The following ZNF100 variants were observed in gnomAD, a reference collection of about 807,000 sequenced individuals.
ZNF100 encodes the protein zinc finger protein 100 (Y1).
A neutral mutation model predicts 15.8 loss-of-function variants in ZNF100; 12 were observed. That is an observed-to-expected ratio of 0.76 (90% CI 0.49 to 1.23). The LOEUF (loss-of-function observed/expected upper bound fraction) is 1.23, where lower values mean the gene tolerates loss of function less well. Among genes scored for constraint, ZNF100 ranks in the 50% most tolerant of loss-of-function variants. The probability of loss-of-function intolerance (pLI) is 0.00; values close to 1 mark genes in which losing one functional copy is unlikely to be tolerated. For synonymous variants in ZNF100, 226 were observed against 214.8 expected, an observed-to-expected ratio of 1.05 and a Z score of -0.45; for missense variants, 670 against 635.6, an observed-to-expected ratio of 1.05 and a Z score of -0.58.
intron 2 of ZNF100, chr19:21,750,935 GACATCTAC>G (rs2036296339): frequency 1.4e-6 from 1 of 722,334 alleles, no homozygotes. Context: ...CTGCGCAACC[GACATCTAC>G]GAGGCGGCAC....
At chr19:21,746,553 G>A (rs987154027) in intron 2 of ZNF100, among the ~76,000 whole-genome samples, 2 of 152,072 alleles carry the variant, frequency 1.3e-5, no homozygotes, top group Non-Finnish European at 2.9e-5. Flanking sequence ...AGCCACAATG[G>A]GAACATTTTT....
chr19:21,729,601 AAAAC>A (rs927729430), intron 4 of ZNF100, among the ~76,000 whole-genome samples: 2 of 152,034 alleles, frequency 1.3e-5, no homozygotes, highest in African/African-American at 2.4e-5. Context: ...AAACAAAACA[AAAAC>A]AAAAAACAAC....
In ZNF100 at chr19:21,767,507, G is replaced by A; in HGVS notation, c.-78C>T. 2.5e-6 allele frequency: 4 copies of A among 1,601,372 alleles called. No homozygotes were observed. In the South Asian group the frequency reaches 3.3e-5, roughly 13 times the overall value. On this transcript the variant is annotated 5_prime_UTR_variant, in exon 1 of 5. Coordinates refer to ENST00000358296, the MANE Select transcript of ZNF100 (RefSeq NM_173531.4). ...GCAGGTCAGAGGGCCACACAGGCTAGGCCCCTAGGAGCAGAAGACACAGAG... is the reference window on the plus strand; with the variant it reads ...GCAGGTCAGAGGGCCACACAGGCTAAGCCCCTAGGAGCAGAAGACACAGAG...
In ZNF100 at chr19:21,727,948, C is replaced by G. The variant is rs761877511; in HGVS notation, c.364G>C (p.Asp122His). 6.4e-7 allele frequency: 1 copy of G among 1,557,558 alleles called. No homozygotes were observed. Among genetic ancestry groups the G allele is most frequent in the Admixed American group, 2.0e-5 (1 of 49,266 alleles). The part of the protein sequence containing the change: ...HFPQDLWAEQ[D>H]IKDSFQEAIL... ...GCTTCTTGAAAAGAATCTTTAATGT[C>G]CTGCTCTGCCCAAAGGTCTTGGGGA... The change falls in exon 5 of 5, where the codon GAC becomes CAC. Residue 122 changes from aspartate to histidine, a missense_variant. Asp to His is a moderately conservative substitution (Grantham distance 81). Coordinates refer to ENST00000358296, the MANE Select transcript of ZNF100 (RefSeq NM_173531.4).
At chr19:21,751,540 A>G (rs1568306834) in intron 2 of ZNF100, 12 of 1,228,358 alleles carry the variant, frequency 9.8e-6, no homozygotes, top group Non-Finnish European at 1.4e-5. Flanking sequence ...CTAACTAGAA[A>G]AGGATTGTTC....
At chr19:21,764,851 G>GA (rs1011314404) in intron 2 of ZNF100, among the ~76,000 whole-genome samples, 7 of 151,634 alleles carry the variant, frequency 4.6e-5, no homozygotes, top group Admixed American at 6.6e-5. Flanking sequence ...AATTTACCCT[G>GA]AAAAAAAAGA....
chr19:21,765,606 C>A (rs1015838900), intron 2 of ZNF100, 88 bp downstream of exon 2: 2 of 1,196,620 alleles, frequency 1.7e-6, no homozygotes, highest in South Asian at 1.3e-5. Context: ...CCCCTCAATA[C>A]CAGCATCTGA....
intron 4 of ZNF100, among the ~76,000 whole-genome samples, chr19:21,732,625 T>A (rs922687678): frequency 8.1e-5 from 12 of 148,568 alleles, no homozygotes; most frequent in Non-Finnish European, 1.6e-4. Flanking sequence ...CAATATAAAA[T>A]ATATATATAT....
At chr19:21,730,096 G>A (rs1255223584) in intron 4 of ZNF100, among the ~76,000 whole-genome samples, 3 of 151,828 alleles carry the variant, frequency 2.0e-5, no homozygotes, top group Non-Finnish European at 4.4e-5. Context: ...AATAACATTA[G>A]TATGTCTTTC....
At chr19:21,756,524 A>G (rs1339383857) in intron 2 of ZNF100, among the ~76,000 whole-genome samples, 1 of 152,154 alleles carries the variant, frequency 6.6e-6, no homozygotes, top group Non-Finnish European at 1.5e-5. Flanking sequence ...CGAGGAATAC[A>G]GCTACCCAGG....
At position 21,723,083 on chromosome 19, in the gene ZNF100, G is replaced by A; in HGVS notation, c.*3600C>T. On this transcript the variant is annotated 3_prime_UTR_variant, in exon 5 of 5. Coordinates refer to ENST00000358296, the MANE Select transcript of ZNF100 (RefSeq NM_173531.4). ...ATACCAACTTTCAGCTGGGTGCAGT[G>A]GCTTATGCCTGTAATCCAAGCACTT... The A allele has an allele frequency of 6.6e-6, 1 of 151,886 alleles. No homozygotes were observed. The highest frequency in any genetic ancestry group is 1.5e-5 in the Non-Finnish European group (1 of 68,008). 9.4% of individuals were successfully genotyped at this position (151,886 alleles called of 1,614,324 possible).
chr19:21,747,949 T>C (rs1410842723), intron 2 of ZNF100, among the ~76,000 whole-genome samples: 1 of 148,060 alleles, frequency 6.8e-6, no homozygotes, highest in Non-Finnish European at 1.5e-5. Context: ...TTATTACTTC[T>C]TCCTCTGTTT....
intron 2 of ZNF100, among the ~76,000 whole-genome samples, chr19:21,758,082 G>C (rs1400285279): frequency 4.0e-5 from 6 of 151,476 alleles, no homozygotes; most frequent in Non-Finnish European, 7.4e-5. Context: ...TGGTACATAA[G>C]CAACATGGAA....
intron 4 of ZNF100, among the ~76,000 whole-genome samples, chr19:21,739,880 G>A (rs1164242790): frequency 1.3e-5 from 2 of 152,084 alleles, no homozygotes; most frequent in Non-Finnish European, 2.9e-5. Context: ...ATTCCTGCTC[G>A]AGGGTCAAAA....
chr19:21,742,673 G>A (rs1037326382), intron 4 of ZNF100, among the ~76,000 whole-genome samples: 2 of 151,778 alleles, frequency 1.3e-5, no homozygotes, highest in African/African-American at 4.8e-5. Flanking sequence ...CACTGAAATT[G>A]AAGAAAAATA....
chr19:21,743,916 C>A, intron 4 of ZNF100, 101 bp downstream of exon 4: 4 of 1,122,636 alleles, frequency 3.6e-6, no homozygotes, highest in African/African-American at 1.7e-5. Flanking sequence ...GAAACTATTT[C>A]CTTTGGAACA....
At position 21,723,865 on chromosome 19, in the gene ZNF100, TGAAAA is replaced by T. The variant is rs2035725137; in HGVS notation, c.*2813_*2817del. ...ATTTACTTATGTCAACTATAAAAAGTGAAAAGAAAAATAACTAAAGGGCTATAGAG... is the reference window on the plus strand; with the variant it reads ...ATTTACTTATGTCAACTATAAAAAGTGAAAAATAACTAAAGGGCTATAGAG... On this transcript the variant is annotated 3_prime_UTR_variant, in exon 5 of 5. Coordinates refer to ENST00000358296, the MANE Select transcript of ZNF100 (RefSeq NM_173531.4). The T allele has an allele frequency of 6.6e-6, 1 of 151,890 alleles. No individual in the cohort carries two copies. Among genetic ancestry groups the T allele is most frequent in the African/African-American group, 2.4e-5 (1 of 41,352 alleles). The allele number at this position is 151,890 out of a possible 1,614,324, so 9.4% of individuals were successfully genotyped here. A position where few individuals can be genotyped will look rare whatever the true frequency, so the allele number is the denominator to read the frequency against.
chr19:21,724,004 A>G lies in ZNF100; in HGVS notation c.*2679T>C, dbSNP rs2035727671. The stretch of plus-strand genomic sequence containing the variant: ...TTTGTATGCACTAAATTTTGTAAAA[A>G]TTATTCTTATAATCACAGACCAGCT... On this transcript the variant is annotated 3_prime_UTR_variant, in exon 5 of 5. Transcript: ENST00000358296. 1 of 152,170 alleles carries G rather than the reference A, an allele frequency of 6.6e-6. No homozygotes were observed. Among genetic ancestry groups the G allele is most frequent in the Non-Finnish European group, 1.5e-5 (1 of 68,032 alleles). The allele number at this position is 152,170 out of a possible 1,614,324, so 9.4% of individuals were successfully genotyped here.
chr19:21,726,523 G>A lies in ZNF100; in HGVS notation c.*160C>T, dbSNP rs896688670. 3.0e-6 allele frequency: 2 copies of A among 669,860 alleles called. No homozygotes were observed. The highest frequency in any genetic ancestry group is 2.8e-5 in the East Asian group (1 of 35,324). 41.5% of individuals were successfully genotyped at this position (669,860 alleles called of 1,614,324 possible). Reference sequence around the variant, plus strand: ...AAGCACTGTCACATCTTTCTGGTTTGTAGAATTTCTCTCTAGTATGAATTA... The same window carrying A: ...AAGCACTGTCACATCTTTCTGGTTTATAGAATTTCTCTCTAGTATGAATTA... On this transcript the variant is annotated 3_prime_UTR_variant, in exon 5 of 5. Coordinates refer to ENST00000358296, the MANE Select transcript of ZNF100 (RefSeq NM_173531.4).
Sources: gnomAD v4.1 joint callset for allele counts (sites outside exome capture counted in the v4.1 genomes callset) on GRCh38, gnomAD v4.1.1 for gene constraint, MANE v1.5 for transcripts, NCBI Gene and HGNC (gene_info 2026-07-23, HGNC 2026-07-21) for gene names.